MAP3K2: variants seen among roughly 807,000 people sequenced by gnomAD.
MAP3K2 encodes the protein mitogen-activated protein kinase kinase kinase 2.
MAP3K2 carries 24 observed loss-of-function variants against 80.3 expected under a neutral mutation model. The ratio of observed to expected loss-of-function variants is 0.30; its 90% confidence interval spans 0.22 to 0.42. MAP3K2 has a LOEUF of 0.42. Among genes scored for constraint, MAP3K2 ranks in the 10% least tolerant of loss-of-function variants. The pLI is 1.00. For missense variants in MAP3K2, 608 were observed against 750.1 expected (o/e 0.81, Z 2.21); for synonymous variants, 244 against 253.7 (o/e 0.96, Z 0.36).
intron 2 of MAP3K2, among the ~76,000 whole-genome samples, chr2:127,341,206 G>A (rs1686478097): frequency 6.6e-6 from 1 of 151,816 alleles, no homozygotes; most frequent in South Asian, 2.1e-4. Context: ...AGCCAGGTTG[G>A]TCTCGATCTC....
intron 1 of MAP3K2, among the ~76,000 whole-genome samples, chr2:127,369,655 G>A (rs1018001361): frequency 1.3e-5 from 2 of 151,954 alleles, no homozygotes; most frequent in Non-Finnish European, 2.9e-5. Flanking sequence ...CACTGTCTCC[G>A]TGGGAGGGCT....
rs1686150066 is a variant in MAP3K2 at position 127,326,816 on chromosome 2, A to T, written c.468T>A (p.Gly156=). The part of the protein sequence containing the change: ...AERKKRLSII[G]PTSRDRSSPP... ...GAGAACTTCTATCTCTACTAGTAGG[A>T]CCTCAAGGAAGAAAAATAATGTAAT... Residue 156 remains glycine (G), a splice_region_variant and synonymous_variant, in exon 8 of 17, where the codon GGT becomes GGA. Transcript: ENST00000682094. The T allele has an allele frequency of 1.3e-6, 2 of 1,543,612 alleles. No homozygotes were observed. The highest frequency in any genetic ancestry group is 8.7e-7 in the Non-Finnish European group (1 of 1,145,750).
At position 127,302,718 on chromosome 2, in the gene MAP3K2, T is replaced by G. The variant is rs1685621870; in HGVS notation, c.*4861A>C. The G allele has an allele frequency of 6.6e-6, 1 of 152,162 alleles. No homozygotes were observed. Among genetic ancestry groups the G allele is most frequent in the South Asian group, 2.1e-4 (1 of 4,832 alleles). The allele number at this position is 152,162 out of a possible 1,614,324, so 9.4% of individuals were successfully genotyped here. On this transcript the variant is annotated 3_prime_UTR_variant, in exon 17 of 17. Transcript: ENST00000682094. ...TATAATATGCCAAGAACTTGGACAG[T>G]GCCAATGTGATTGAAAATCAAATAT...
chr2:127,359,043 G>A (rs1249537962), intron 1 of MAP3K2, among the ~76,000 whole-genome samples: 1 of 152,180 alleles, frequency 6.6e-6, no homozygotes, highest in Admixed American at 6.5e-5. Flanking sequence ...GAGGAGGGGA[G>A]CAGGGATGAA....
Position 127,387,667 on chromosome 2 carries a change from C to T in MAP3K2, c.-281G>A. On this transcript the variant is annotated 5_prime_UTR_variant, in exon 1 of 17. Transcript: ENST00000682094. ...ATGAAGCCCGGGCCGGGCGGGGTGG[C>T]GGGCGCGTGAATCCTCGCAGCCGGC... is the stretch of plus-strand genomic sequence containing the variant. 3.0e-6 allele frequency: 3 copies of T among 985,036 alleles called. No homozygotes were observed. The highest frequency in any genetic ancestry group is 3.6e-6 in the Non-Finnish European group (3 of 829,814). 61.0% of individuals were successfully genotyped at this position (985,036 alleles called of 1,614,324 possible).
chr2:127,369,085 T>A (rs1433324226), intron 1 of MAP3K2, among the ~76,000 whole-genome samples: 1 of 149,068 alleles, frequency 6.7e-6, no homozygotes, highest in Non-Finnish European at 1.5e-5. Flanking sequence ...GTAGCTGGGA[T>A]TACAGGCACG....
chr2:127,366,864 G>A (rs1037692754), intron 1 of MAP3K2, among the ~76,000 whole-genome samples: 2 of 102,662 alleles, frequency 1.9e-5, no homozygotes, highest in African/African-American at 6.7e-5. Flanking sequence ...CCACAGTCAA[G>A]GGTTTTTTTT....
intron 8 of MAP3K2, among the ~76,000 whole-genome samples, chr2:127,326,159 CAAT>C (rs1439647695): frequency 1.3e-5 from 2 of 151,914 alleles, no homozygotes; most frequent in Non-Finnish European, 1.5e-5. Flanking sequence ...GAAAACTGAA[CAAT>C]GGCCCCACCC....
In MAP3K2 at chr2:127,348,350, TA is replaced by T. The variant is rs374512111; in HGVS notation, c.-65-5157del. ...TTGCAGTGAGCCCACATTACGCCAC[TA>T]CACTCCAGCCTGGACAACAGAGTGA... is the stretch of plus-strand genomic sequence containing the variant. On this transcript the variant is annotated intron_variant, in intron 1 of 16. Transcript: ENST00000682094. Among the ~76,000 whole-genome samples the T allele has an allele frequency of 8.7e-4, 133 of 152,250 alleles. 3 individuals are homozygous for T. The highest frequency in any genetic ancestry group is 3.0e-3 in the African/African-American group (125 of 41,502).
chr2:127,316,780 G>C (rs1441624940), intron 14 of MAP3K2: 1 of 152,164 alleles, frequency 6.6e-6, no homozygotes, highest in Non-Finnish European at 1.5e-5. Context: ...TGACGTATCA[G>C]ATAAAAAAGG....
chr2:127,306,329 A>C lies in MAP3K2; in HGVS notation c.*1250T>G, dbSNP rs1558971377. 6.6e-6 allele frequency: 1 copy of C among 152,108 alleles called. No individual in the cohort carries two copies. Among genetic ancestry groups the C allele is most frequent in the Non-Finnish European group, 1.5e-5 (1 of 68,020 alleles). 9.4% of individuals were successfully genotyped at this position (152,108 alleles called of 1,614,324 possible). On this transcript the variant is annotated 3_prime_UTR_variant, in exon 17 of 17. Coordinates refer to ENST00000682094, the MANE Select transcript of MAP3K2 (RefSeq NM_001371910.2). This position sits in a 1 kb window ranked among gnomAD's most constrained non-coding sequence, Gnocchi z 4.7. ...TGAGGCTGCTTTCCTTGTGTATTAT[A>C]ATCTATTTAGCAACATCCCTGGCCT...
chr2:127,352,227 G>C (rs1287415595), intron 1 of MAP3K2, among the ~76,000 whole-genome samples: 1 of 152,012 alleles, frequency 6.6e-6, no homozygotes, highest in African/African-American at 2.4e-5. Flanking sequence ...GTTAGATACA[G>C]AACACTGCTA....
At position 127,305,782 on chromosome 2, in the gene MAP3K2, T is replaced by C. The variant is rs1685685473; in HGVS notation, c.*1797A>G. ...TTGCTGATATCTTCATGTTTTATAG[T>C]AGCACAATTCTATTAGAGATAGTGG... On this transcript the variant is annotated 3_prime_UTR_variant, in exon 17 of 17. Transcript: ENST00000682094. 6.6e-6 allele frequency: 1 copy of C among 152,158 alleles called. No homozygotes were observed. The highest frequency in any genetic ancestry group is 1.5e-5 in the Non-Finnish European group (1 of 68,022). The allele number at this position is 152,158 out of a possible 1,614,324, so 9.4% of individuals were successfully genotyped here. A position where few individuals can be genotyped will look rare whatever the true frequency, so the allele number is the denominator to read the frequency against.
At chr2:127,372,093 C>T (rs967719489) in intron 1 of MAP3K2, among the ~76,000 whole-genome samples, 3 of 152,144 alleles carry the variant, frequency 2.0e-5, no homozygotes, top group Non-Finnish European at 4.4e-5. Flanking sequence ...GGGTTGCAAC[C>T]GGGATCTGGG....
intron 2 of MAP3K2, among the ~76,000 whole-genome samples, chr2:127,342,333 G>T (rs925747275): frequency 6.6e-6 from 1 of 151,728 alleles, no homozygotes; most frequent in African/African-American, 2.4e-5. Flanking sequence ...GACACACAGT[G>T]AAAGTGTCCT....
chr2:127,299,800 CAT>C lies in MAP3K2; in HGVS notation c.*7777_*7778del, dbSNP rs1242212712. 3.3e-5 allele frequency: 5 copies of C among 151,934 alleles called. No homozygotes were observed. Among genetic ancestry groups the C allele is most frequent in the Non-Finnish European group, 1.5e-5 (1 of 67,940 alleles). The allele number at this position is 151,934 out of a possible 1,614,324, so 9.4% of individuals were successfully genotyped here. A position where few individuals can be genotyped will look rare whatever the true frequency, so the allele number is the denominator to read the frequency against. On this transcript the variant is annotated 3_prime_UTR_variant, in exon 17 of 17. Transcript: ENST00000682094. Reference sequence around the variant, plus strand: ...TTGATCAGCCAGCTGAAAATATATTCATATAGTAAATAATCTCTCAGAAAGCT... The same window carrying C: ...TTGATCAGCCAGCTGAAAATATATTCATAGTAAATAATCTCTCAGAAAGCT...
chr2:127,356,011 T>C (rs1376853079), intron 1 of MAP3K2, among the ~76,000 whole-genome samples: 1 of 152,154 alleles, frequency 6.6e-6, no homozygotes, highest in Non-Finnish European at 1.5e-5. Flanking sequence ...TTCTCATCCA[T>C]CCAAGTTTTA....
Position 127,351,326 on chromosome 2 carries a change from A to T in MAP3K2, c.-65-8132T>A, listed in dbSNP as rs987623377. Among the ~76,000 whole-genome samples, 18 of 152,056 alleles carry T rather than the reference A, an allele frequency of 1.2e-4. 1 individual carries two copies. The highest frequency in any genetic ancestry group is 4.4e-4 in the African/African-American group (18 of 41,358). On this transcript the variant is annotated intron_variant, in intron 1 of 16. Coordinates refer to ENST00000682094, the MANE Select transcript of MAP3K2 (RefSeq NM_001371910.2). ...CTTATTGATAGCAATTACAAACTAA[A>T]ATATTGTGGGGTGATGGGACCTCAT... is the stretch of plus-strand genomic sequence containing the variant.
chr2:127,372,309 AG>A (rs1687079494), intron 1 of MAP3K2, among the ~76,000 whole-genome samples: 1 of 152,216 alleles, frequency 6.6e-6, no homozygotes, highest in Non-Finnish European at 1.5e-5. Flanking sequence ...CCCAATGCCC[AG>A]AAAGGGGGAA....
Sources: allele counts gnomAD v4.1 joint callset (sites outside exome capture counted in the v4.1 genomes callset), GRCh38; gene constraint gnomAD v4.1.1; non-coding constraint Gnocchi (gnomAD v3.1); transcripts MANE v1.5; gene names NCBI Gene and HGNC (gene_info 2026-07-23, HGNC 2026-07-21).